Variants in TANC2 observed in about 807,000 individuals in gnomAD.
The protein encoded by TANC2 is protein TANC2.
Under a neutral mutation model 210.5 loss-of-function variants are expected in TANC2, and 26 were observed. The observed-to-expected ratio is 0.12, with a 90% CI of 0.09 to 0.17. The LOEUF is 0.17. TANC2 is among the 10% of genes least tolerant of loss of function. The probability of loss-of-function intolerance (pLI) is 1.00; values close to 1 mark genes in which losing one functional copy is unlikely to be tolerated. For synonymous variants in TANC2, 931 were observed against 967.1 expected, an observed-to-expected ratio of 0.96 and a Z score of 0.69; for missense variants, 2,129 against 2,608.9, an observed-to-expected ratio of 0.82 and a Z score of 4.01.
intron 3 of TANC2, among the ~76,000 whole-genome samples, chr17:63,095,114 C>G (rs1226191214): frequency 6.6e-6 from 1 of 152,054 alleles, no homozygotes; most frequent in Non-Finnish European, 1.5e-5. Flanking sequence ...CCCACTGATG[C>G]TTCTCTTGGC....
chr17:62,977,941 G>A (rs933197785), intron 1 of TANC2, among the ~76,000 whole-genome samples: 1 of 151,856 alleles, frequency 6.6e-6, no homozygotes, highest in Non-Finnish European at 1.5e-5. Context: ...TAATTAAATA[G>A]GGATCATATT....
At chr17:63,182,444 G>A (rs1052877478) in intron 5 of TANC2, 13 of 273,094 alleles carry the variant, frequency 4.8e-5, no homozygotes, top group East Asian at 3.8e-4. Flanking sequence ...TTAGTTTGGC[G>A]TCACATTCCT....
At chr17:63,037,807 C>T (rs1294281681) in intron 2 of TANC2, among the ~76,000 whole-genome samples, 1 of 151,994 alleles carries the variant, frequency 6.6e-6, no homozygotes, top group Non-Finnish European at 1.5e-5. Flanking sequence ...ACCGAGACTC[C>T]ATCTCAAAAA....
intron 3 of TANC2, among the ~76,000 whole-genome samples, chr17:63,085,204 A>T (rs972709550): frequency 6.6e-6 from 1 of 151,774 alleles, no homozygotes; most frequent in Non-Finnish European, 1.5e-5. Flanking sequence ...TGGGGAATTG[A>T]CTCCTTTAAA....
At chr17:63,279,618 C>T (rs2043999811) in intron 9 of TANC2, among the ~76,000 whole-genome samples, 1 of 151,962 alleles carries the variant, frequency 6.6e-6, no homozygotes, top group African/African-American at 2.4e-5. Flanking sequence ...ACTCCTGAAA[C>T]CCCATGCTTT....
chr17:63,169,215 A>G (rs185946667), intron 5 of TANC2, among the ~76,000 whole-genome samples: 2 of 152,304 alleles, frequency 1.3e-5, no homozygotes, highest in East Asian at 3.9e-4. Flanking sequence ...ATCTTGTGAG[A>G]TTAGCTATAG....
intron 9 of TANC2, among the ~76,000 whole-genome samples, chr17:63,275,702 A>G (rs2043850632): frequency 6.6e-6 from 1 of 152,148 alleles, no homozygotes; most frequent in South Asian, 2.1e-4. Flanking sequence ...AAGTAGATTC[A>G]AAACCCAAGG....
intron 21 of TANC2, 80 bp downstream of exon 21, chr17:63,406,357 A>G: frequency 1.3e-6 from 2 of 1,579,700 alleles, no homozygotes; most frequent in Non-Finnish European, 1.7e-6. Context: ...AATGGATCCC[A>G]GGAGATGCTA....
At chr17:63,408,163 C>T (rs187876641) in intron 21 of TANC2, among the ~76,000 whole-genome samples, 11 of 152,256 alleles carry the variant, frequency 7.2e-5, no homozygotes, top group African/African-American at 2.4e-4. Context: ...ATAATGAGGT[C>T]CTAACCCAAG....
chr17:63,050,304 C>T (rs949252547), intron 2 of TANC2, among the ~76,000 whole-genome samples: 43 of 151,248 alleles, frequency 2.8e-4, no homozygotes. Context: ...CTTCAGTGAG[C>T]CGTGATCATG....
chr17:63,102,184 A>G (rs577037465), intron 4 of TANC2, among the ~76,000 whole-genome samples: 4 of 152,220 alleles, frequency 2.6e-5, no homozygotes, highest in African/African-American at 9.6e-5. Context: ...CATGCCACCC[A>G]TATGTAGTCC....
intron 25 of TANC2, among the ~76,000 whole-genome samples, chr17:63,415,322 C>T (rs1308676955): frequency 1.3e-5 from 2 of 152,244 alleles, no homozygotes; most frequent in African/African-American, 4.8e-5. Context: ...TCCCCTCAAC[C>T]TTGCCTTTCC....
At chr17:63,209,260 G>A (rs7207314) in intron 7 of TANC2, among the ~76,000 whole-genome samples, 11,137 of 151,700 alleles carry the variant, frequency 0.073, 1,292 homozygotes, top group African/African-American at 0.25. Context: ...CAGTCCGCCC[G>A]CCTCAGCCTC....
intron 2 of TANC2, among the ~76,000 whole-genome samples, chr17:63,011,665 A>G (rs764492010): frequency 6.6e-6 from 1 of 152,188 alleles, no homozygotes. Flanking sequence ...TAAAACCACT[A>G]TGAAATGCCT....
At chr17:63,165,374 C>T (rs772234754) in intron 5 of TANC2, among the ~76,000 whole-genome samples, 5 of 152,148 alleles carry the variant, frequency 3.3e-5, no homozygotes, top group Admixed American at 6.5e-5. Flanking sequence ...CTCTGTATTT[C>T]GGCGTATTTG....
chr17:62,991,062 G>T (rs1010525974), intron 1 of TANC2, among the ~76,000 whole-genome samples: 6 of 151,966 alleles, frequency 3.9e-5, no homozygotes, highest in African/African-American at 1.5e-4. Flanking sequence ...GTGTTCAGCC[G>T]CCTTGGTATA....
At chr17:63,187,791 A>G (rs1235654634) in intron 5 of TANC2, among the ~76,000 whole-genome samples, 1 of 152,148 alleles carries the variant, frequency 6.6e-6, no homozygotes, top group Non-Finnish European at 1.5e-5. Context: ...ACAGTGGAGA[A>G]ACAAAGATGA....
intron 4 of TANC2, among the ~76,000 whole-genome samples, chr17:63,102,714 A>T (rs1365989760): frequency 1.3e-5 from 2 of 151,546 alleles, no homozygotes; most frequent in Admixed American, 1.3e-4. Context: ...TAGTAGTATG[A>T]TCCAATTTAC....
chr17:63,035,749 GTAGTATATGTTTAACTA>G (rs1168319486), intron 2 of TANC2, among the ~76,000 whole-genome samples: 3 of 152,138 alleles, frequency 2.0e-5, no homozygotes, highest in Non-Finnish European at 4.4e-5. Context: ...GGATCATGTG[GTAGTATATGTTTAACTA>G]CACAAGGAAC....
Sources: allele counts gnomAD v4.1 joint callset (sites outside exome capture counted in the v4.1 genomes callset), GRCh38; gene constraint gnomAD v4.1.1; transcripts MANE v1.5; gene names NCBI Gene and HGNC (gene_info 2026-07-23, HGNC 2026-07-21).